The following MTOR variants were observed in gnomAD, a reference collection of about 807,000 sequenced individuals.
MTOR encodes the protein serine/threonine-protein kinase mTOR.
A neutral mutation model predicts 319.8 loss-of-function variants in MTOR; 70 were observed. The ratio of observed to expected loss-of-function variants is 0.22; its 90% CI spans 0.18 to 0.27. The LOEUF is 0.27. Among genes scored for constraint, MTOR ranks in the 10% least tolerant of loss-of-function variants. The pLI is 1.00. For synonymous variants in MTOR, 1,183 were observed against 1,211.4 expected, an observed-to-expected ratio of 0.98 and a Z score of 0.49; for missense variants, 1,890 against 3,274.4, an observed-to-expected ratio of 0.58 and a Z score of 10.32.
rs769706061 is a variant in MTOR, at chr1:11,134,464, G to A, written c.5133C>T (p.Ile1711=). ...MKNMWKSARK[I]DAFQHMQHFV... is the part of the protein sequence containing the mutation. The stretch of plus-strand genomic sequence containing the variant: ...AATGCTGCATGTGCTGGAAGGCATC[G>A]ATCTGTAACAGGACAAAGGCACAGA... Residue 1711 remains isoleucine, a splice_region_variant and synonymous_variant, in exon 37 of 58, where the codon ATC becomes ATT. Transcript: ENST00000361445. The A allele has an allele frequency of 2.2e-4, 350 of 1,613,914 alleles. 4 individuals carry two copies. In the South Asian group the frequency reaches 2.6e-3, roughly 12 times the overall value.
Position 11,109,993 on chromosome 1 carries a change from CAAA to C in MTOR, c.7367-267_7367-265del, listed in dbSNP as rs5772442. On this transcript the variant is annotated intron_variant, in intron 54 of 57. Coordinates refer to ENST00000361445, the MANE Select transcript of MTOR (RefSeq NM_004958.4). This position sits in a 1 kb window ranked among gnomAD's most constrained non-coding sequence, Gnocchi z 4.0. ...CAAGACCAGCCTGAGACTCCATTTGCAAAAAAAAAAAAAAAAATTTTTAAATCT... is the reference window on the plus strand; with the variant it reads ...CAAGACCAGCCTGAGACTCCATTTGCAAAAAAAAAAAAAATTTTTAAATCT... 1.5e-5 allele frequency among the ~76,000 whole-genome samples: 2 copies of C among 129,806 alleles called. No homozygotes were observed. The highest frequency in any genetic ancestry group is 1.6e-5 in the Non-Finnish European group (1 of 63,656). 85.2% of individuals were successfully genotyped at this position (129,806 alleles called of 152,430 possible). A position where few individuals can be genotyped will look rare whatever the true frequency, so the allele number is the denominator to read the frequency against.
At position 11,209,365 on chromosome 1, in the gene MTOR, C is replaced by G. The variant is rs1261199043; in HGVS notation, c.3748G>C (p.Val1250Leu). Reference protein sequence around the residue: ...GQGDALASGPVETGPMKKLHV... With the variant: ...GQGDALASGPLETGPMKKLHV... ...AGTTTCTTCATGGGTCCTGTTTCCA[C>G]TGGTCCACTAGCCAATGCATCCCCT... The change falls in exon 25 of 58, where the codon GTG becomes CTG. Residue 1250 changes from valine to leucine, a missense_variant. Around this residue, in one of 15 missense-constraint regions of MTOR, gnomAD observed 115 missense variants for 105.7 expected, o/e 1.09. Transcript: ENST00000361445. 1 of 1,614,210 alleles carries G rather than the reference C, an allele frequency of 6.2e-7. No homozygotes were observed. The highest frequency in any genetic ancestry group is 8.5e-7 in the Non-Finnish European group (1 of 1,180,036).
At chr1:11,172,741 C>T (rs540066791) in intron 28 of MTOR, among the ~76,000 whole-genome samples, 18 of 151,688 alleles carry the variant, frequency 1.2e-4, no homozygotes, top group East Asian at 1.2e-3. Flanking sequence ...TGGTGGCGAA[C>T]GCCTGTAATT....
At chr1:11,200,531 C>T (rs1174893515) in intron 26 of MTOR, among the ~76,000 whole-genome samples, 6 of 151,912 alleles carry the variant, frequency 3.9e-5, no homozygotes, top group East Asian at 3.9e-4. Flanking sequence ...GGTGACTGTG[C>T]GGGGAAGGAA....
At chr1:11,238,378 T>A in intron 12 of MTOR, 24 bp downstream of exon 12, 1 of 1,612,032 alleles carries the variant, frequency 6.2e-7, no homozygotes. Flanking sequence ...CTCCCCTAGA[T>A]TCCTTCTGTC....
At position 11,261,595 on chromosome 1, in the gene MTOR, A is replaced by G. The variant is rs1036783549; in HGVS notation, c.-15+850T>C. 8.5e-5 allele frequency among the ~76,000 whole-genome samples: 13 copies of G among 152,294 alleles called. No homozygotes were observed. The East Asian group carries it at 2.5e-3, about 29-fold the overall frequency. The stretch of plus-strand genomic sequence containing the variant: ...ATGTTCAGCTTATGCTACAAAACCA[A>G]TTTCTCAAAATTCTTATTTTTGAAA... On this transcript the variant is annotated intron_variant, in intron 1 of 57. Transcript: ENST00000361445.
chr1:11,110,114 C>T (rs982762995), intron 54 of MTOR, among the ~76,000 whole-genome samples: 1 of 151,732 alleles, frequency 6.6e-6, no homozygotes, highest in Non-Finnish European at 1.5e-5. Flanking sequence ...ATTGCATTAA[C>T]AAAATAAACT....
intron 19 of MTOR, 123 bp from the exon 20 acceptor site, chr1:11,216,357 C>G: frequency 1.6e-6 from 1 of 628,686 alleles, no homozygotes; most frequent in South Asian, 2.2e-5. Context: ...ACACTATCTA[C>G]TGAGAATATA....
rs77321007 is a variant in MTOR, at chr1:11,234,325, T to C, written c.2209-60A>G. 4.1e-3 allele frequency: 6,299 copies of C among 1,528,184 alleles called. 184 individuals carry two copies. The African/African-American group carries it at 0.075, about 18-fold the overall frequency. The allele number at this position is 1,528,184 out of a possible 1,614,324, so 94.7% of individuals were successfully genotyped here. A position where few individuals can be genotyped will look rare whatever the true frequency, so the allele number is the denominator to read the frequency against. ...CAGAAGACATTCTAGAGAGAGACTG[T>C]GTCCAACAGAAAAAGTGGCAGGGAA... is the stretch of plus-strand genomic sequence containing the variant. On this transcript the variant is annotated intron_variant, in intron 13 of 57. Coordinates refer to ENST00000361445, the MANE Select transcript of MTOR (RefSeq NM_004958.4).
intron 23 of MTOR, 101 bp from the exon 24 acceptor site, chr1:11,211,007 G>C: frequency 1.4e-6 from 1 of 696,514 alleles, no homozygotes; most frequent in Non-Finnish European, 2.5e-6. Context: ...CATTTCTTCT[G>C]GGTTTGTGGC....
At chr1:11,219,119 G>GT (rs1178238390) in intron 19 of MTOR, among the ~76,000 whole-genome samples, 1 of 152,050 alleles carries the variant, frequency 6.6e-6, no homozygotes, top group Non-Finnish European at 1.5e-5. Flanking sequence ...GAAGGTTGAG[G>GT]TGGGAGGATC....
At chr1:11,256,610 T>C (rs2100976959) in intron 4 of MTOR, among the ~76,000 whole-genome samples, 1 of 152,270 alleles carries the variant, frequency 6.6e-6, no homozygotes, top group East Asian at 1.9e-4. Flanking sequence ...TGCCCCAGGT[T>C]ACAGAGTTAG....
intron 6 of MTOR, among the ~76,000 whole-genome samples, chr1:11,251,955 A>G (rs867380445): frequency 6.6e-6 from 1 of 152,134 alleles, no homozygotes; most frequent in African/African-American, 2.4e-5. Context: ...TAAACTCAGG[A>G]GGTAAAATCT....
rs559831245 is a variant in MTOR at position 11,172,979 on chromosome 1, T to C, written c.4254-5462A>G. Among the ~76,000 whole-genome samples the C allele has an allele frequency of 2.0e-5, 3 of 151,972 alleles. No homozygotes were observed. In the South Asian group the frequency reaches 6.2e-4, roughly 32 times the overall value. ...GAACCTGAAGGTAAGAAGGTCACTG[T>C]CCATATCCACTCTCTTTTCTTTTTT... On this transcript the variant is annotated intron_variant, in intron 28 of 57. Transcript: ENST00000361445.
rs560240728 is a variant in MTOR at position 11,133,495 on chromosome 1, T to C, written c.5247-298A>G. Among the ~76,000 whole-genome samples, 16 of 2,744 alleles carry C rather than the reference T, an allele frequency of 5.8e-3. No homozygotes were observed. Among genetic ancestry groups the C allele is most frequent in the Admixed American group, 0.014 (2 of 148 alleles). The allele number at this position is 2,744 out of a possible 152,430, so 1.8% of individuals were successfully genotyped here. On this transcript the variant is annotated intron_variant, in intron 37 of 57. Transcript: ENST00000361445. This position sits in a 1 kb window ranked among gnomAD's most constrained non-coding sequence, Gnocchi z 4.0. ...TACCTACCCCAAACCCAATTTTTTG[T>C]GGGTGACAGTTGAGAGTTACTTCTT...
intron 19 of MTOR, 120 bp downstream of exon 19, chr1:11,228,548 G>A: frequency 2.2e-6 from 3 of 1,338,256 alleles, no homozygotes; most frequent in South Asian, 2.7e-5. Flanking sequence ...GAGTTAAGGG[G>A]GAGGAAGGCA....
chr1:11,142,843 G>T (rs1338758830), intron 34 of MTOR, among the ~76,000 whole-genome samples: 1 of 152,128 alleles, frequency 6.6e-6, no homozygotes, highest in African/African-American at 2.4e-5. Flanking sequence ...CTGCCCTATG[G>T]GAGGGTCTTA....
intron 28 of MTOR, among the ~76,000 whole-genome samples, chr1:11,176,369 C>T (rs770727051): frequency 1.3e-5 from 2 of 152,186 alleles, no homozygotes; most frequent in Non-Finnish European, 2.9e-5. Flanking sequence ...CCACACAAGG[C>T]GGCGCCTGTC....
intron 28 of MTOR, among the ~76,000 whole-genome samples, chr1:11,185,964 C>T (rs1645305747): frequency 6.6e-6 from 1 of 151,788 alleles, no homozygotes; most frequent in Non-Finnish European, 1.5e-5. Flanking sequence ...TGCCTGTAGT[C>T]CCAGCTACTT....
Sources: gnomAD v4.1 joint callset for allele counts (sites outside exome capture counted in the v4.1 genomes callset) on GRCh38, gnomAD v4.1.1 for gene constraint, gnomAD v4.1.1 regional missense constraint, Gnocchi (gnomAD v3.1) non-coding constraint, MANE v1.5 for transcripts, NCBI Gene and HGNC (gene_info 2026-07-23, HGNC 2026-07-21) for gene names.